Variants in PTPRJ observed in about 807,000 individuals in gnomAD.
PTPRJ encodes the protein receptor-type tyrosine-protein phosphatase eta.
In PTPRJ, 129 loss-of-function variants were observed where a neutral mutation model predicts 141.3. That is an observed-to-expected ratio of 0.91 (90% CI 0.79 to 1.06). The LOEUF is 1.06. Among genes scored for constraint, PTPRJ ranks in the 50% least tolerant of loss-of-function variants. The probability of loss-of-function intolerance (pLI) is 0.00; values close to 1 mark genes in which losing one functional copy is unlikely to be tolerated. For missense variants in PTPRJ, 1,601 were observed against 1,679.7 expected (o/e 0.95, Z 0.82); for synonymous variants, 610 against 640.5 (o/e 0.95, Z 0.72).
At chr11:48,013,538 C>T (rs1229638433) in intron 1 of PTPRJ, among the ~76,000 whole-genome samples, 3 of 152,154 alleles carry the variant, frequency 2.0e-5, no homozygotes, top group Non-Finnish European at 4.4e-5. Context: ...GTGGTATGCT[C>T]AGGAGAATCT....
At position 48,164,432 on chromosome 11, in the gene PTPRJ, C is replaced by T. The variant is rs747606035; in HGVS notation, c.3772C>T (p.Gln1258Ter). The change falls in exon 24 of 25, where the codon CAG becomes TAG. Residue 1258 changes from glutamine to a stop codon, truncating the protein, a stop_gained. Coordinates refer to ENST00000418331, the MANE Select transcript of PTPRJ (RefSeq NM_002843.4). LOFTEE classifies it high-confidence loss of function. ...TFIAIDRLIYQIENENTVDVY... is the reference protein window; with the variant it reads ...TFIAIDRLIY ...CATTGCCATTGATCGTCTCATCTAC[C>T]AGATAGAGAATGAGAACACCGTGGA... 1 of 1,613,882 alleles carries T rather than the reference C, an allele frequency of 6.2e-7. No homozygotes were observed. Among genetic ancestry groups the T allele is most frequent in the Non-Finnish European group, 8.5e-7 (1 of 1,179,956 alleles).
At chr11:48,007,981 C>G (rs148956910) in intron 1 of PTPRJ, among the ~76,000 whole-genome samples, 106 of 152,332 alleles carry the variant, frequency 7.0e-4, no homozygotes, top group Middle Eastern at 6.8e-3. Context: ...CTTTCTGCCC[C>G]CTTCTTCCCG....
Position 48,139,764 on chromosome 11 carries a change from A to G in PTPRJ, c.2431A>G (p.Thr811Ala). The G allele has an allele frequency of 1.2e-6, 2 of 1,613,922 alleles. No homozygotes were observed. The highest frequency in any genetic ancestry group is 8.5e-7 in the Non-Finnish European group (1 of 1,180,002). ...AGCCCCCACCCGGAACACCTGCACT[A>G]CTGGCATCACAGGTGGGCTACAAGG... ...MAAPTRNTCT[T>A]GITDPPPPDG... Residue 811 changes from threonine (T) to alanine (A), a missense_variant, in exon 11 of 25, where the codon ACT becomes GCT. Thr to Ala is a moderately conservative substitution (Grantham distance 58). Coordinates refer to ENST00000418331, the MANE Select transcript of PTPRJ (RefSeq NM_002843.4).
chr11:48,041,362 T>G (rs1854269182), intron 1 of PTPRJ, among the ~76,000 whole-genome samples: 1 of 152,242 alleles, frequency 6.6e-6, no homozygotes, highest in African/African-American at 2.4e-5. Context: ...TGCTACTCAT[T>G]GAAGGCCTAC....
chr11:48,017,994 G>T (rs755192746), intron 1 of PTPRJ, among the ~76,000 whole-genome samples: 2 of 152,200 alleles, frequency 1.3e-5, no homozygotes, highest in Non-Finnish European at 1.5e-5. Context: ...GCCAGGCTGG[G>T]TTGGGAGATG....
chr11:48,146,745 G>T, intron 14 of PTPRJ, 131 bp from the exon 15 acceptor site: 1 of 723,162 alleles, frequency 1.4e-6, no homozygotes. Flanking sequence ...CTGTGTGTGT[G>T]TGTGCATGCA....
chr11:48,038,418 GTT>G (rs371129008), intron 1 of PTPRJ, among the ~76,000 whole-genome samples: 1 of 151,724 alleles, frequency 6.6e-6, no homozygotes, highest in African/African-American at 2.4e-5. Context: ...TTACTTTGGA[GTT>G]TTTTTTCTGA....
chr11:48,061,429 G>A (rs1372338784), intron 1 of PTPRJ, among the ~76,000 whole-genome samples: 1 of 152,228 alleles, frequency 6.6e-6, no homozygotes, highest in African/African-American at 2.4e-5. Flanking sequence ...CATGACTGGG[G>A]TGTGGATGCT....
intron 1 of PTPRJ, among the ~76,000 whole-genome samples, chr11:48,005,608 C>T (rs767094795): frequency 6.6e-6 from 1 of 152,118 alleles, no homozygotes; most frequent in Non-Finnish European, 1.5e-5. Context: ...AGCTGATGGT[C>T]GTTTGGGTCA....
At chr11:48,096,543 C>T (rs1387599353) in intron 1 of PTPRJ, among the ~76,000 whole-genome samples, 2 of 152,100 alleles carry the variant, frequency 1.3e-5, no homozygotes, top group Admixed American at 6.5e-5. Flanking sequence ...CCCCCACCCC[C>T]ACAACCTTGT....
At chr11:48,089,803 G>A (rs1855819720) in intron 1 of PTPRJ, among the ~76,000 whole-genome samples, 1 of 152,188 alleles carries the variant, frequency 6.6e-6, no homozygotes, top group South Asian at 2.1e-4. Flanking sequence ...GTGTAAGGTA[G>A]AGTGGGCTCC....
At chr11:48,161,764 C>G (rs984662898) in intron 22 of PTPRJ, among the ~76,000 whole-genome samples, 4 of 152,116 alleles carry the variant, frequency 2.6e-5, no homozygotes, top group Non-Finnish European at 5.9e-5. Flanking sequence ...AGGCACCTGC[C>G]ACCATGCCCA....
At chr11:48,155,949 C>G (rs1284881273) in intron 20 of PTPRJ, 36 bp from the exon 21 acceptor site, 1 of 1,604,174 alleles carries the variant, frequency 6.2e-7, no homozygotes, top group Non-Finnish European at 8.5e-7. Flanking sequence ...CTTTCTGTTT[C>G]TTTGAGGTTG....
At chr11:48,020,524 C>T (rs150385523) in intron 1 of PTPRJ, among the ~76,000 whole-genome samples, 1 of 152,266 alleles carries the variant, frequency 6.6e-6, no homozygotes, top group East Asian at 1.9e-4. Flanking sequence ...ACATCTGCCT[C>T]CATTAAACTC....
chr11:48,121,259 C>A lies in PTPRJ; in HGVS notation c.609C>A (p.Val203=). The A allele has an allele frequency of 6.2e-7, 1 of 1,613,780 alleles. No individual in the cohort carries two copies. The highest frequency in any genetic ancestry group is 1.1e-5 in the South Asian group (1 of 91,038). The part of the protein sequence containing the change: ...ETWGDPRVIK[V]ITEPIPVSDL... The stretch of plus-strand genomic sequence containing the variant: ...GGGGAGATCCCAGAGTCATAAAAGT[C>A]ATCACAGGTAAGATGACTGGCTCCC... Residue 203 remains valine, a synonymous_variant, in exon 4 of 25, where the codon GTC becomes GTA. Coordinates refer to ENST00000418331, the MANE Select transcript of PTPRJ (RefSeq NM_002843.4).
chr11:48,152,035 A>G (rs1156616462), intron 18 of PTPRJ, among the ~76,000 whole-genome samples: 3 of 152,220 alleles, frequency 2.0e-5, no homozygotes, highest in Non-Finnish European at 4.4e-5. Context: ...GTCTTCCACA[A>G]TGGTTGAACT....
intron 18 of PTPRJ, 73 bp downstream of exon 18, chr11:48,150,256 G>T: frequency 7.7e-7 from 1 of 1,301,754 alleles, no homozygotes; most frequent in South Asian, 1.2e-5. Flanking sequence ...GGAGTTGGTG[G>T]ATGGGTGGCA....
At chr11:47,997,841 A>G (rs935687528) in intron 1 of PTPRJ, among the ~76,000 whole-genome samples, 6 of 146,242 alleles carry the variant, frequency 4.1e-5, no homozygotes, top group African/African-American at 1.4e-4. Context: ...CAGCTTTTAG[A>G]GTGTTTAGAG....
At chr11:47,998,033 C>A (rs1854390269) in intron 1 of PTPRJ, among the ~76,000 whole-genome samples, 1 of 152,016 alleles carries the variant, frequency 6.6e-6, no homozygotes. Context: ...GATGTGCACA[C>A]AACCTATCAA....
Sources: allele counts gnomAD v4.1 joint callset (sites outside exome capture counted in the v4.1 genomes callset), GRCh38; gene constraint gnomAD v4.1.1; transcripts MANE v1.5; gene names NCBI Gene and HGNC (gene_info 2026-07-23, HGNC 2026-07-21).